RERG: variants seen among roughly 807,000 people sequenced by gnomAD.
The protein encoded by RERG is RAS like estrogen regulated growth inhibitor.
Under a neutral mutation model 23.2 loss-of-function variants are expected in RERG, and 25 were observed. The observed-to-expected ratio is 1.08, with a 90% CI of 0.79 to 1.50. RERG has a LOEUF of 1.50. Ranked by LOEUF, RERG falls within the 40% of genes most tolerant of loss-of-function variation. The pLI, the probability that RERG is intolerant of heterozygous loss-of-function variation, is 0.00. For missense variants in RERG, 253 were observed against 250.1 expected, an observed-to-expected ratio of 1.01 and a Z score of -0.08; for synonymous variants, 81 against 89.1, an observed-to-expected ratio of 0.91 and a Z score of 0.51.
At chr12:15,112,520 T>C (rs1023300695) in intron 3 of RERG, 1 of 152,194 alleles carries the variant, frequency 6.6e-6, no homozygotes, top group African/African-American at 2.4e-5. Flanking sequence ...TGGGTGGCCC[T>C]GAGTATGCCC....
At chr12:15,205,734 A>G (rs1259472531) in intron 2 of RERG, among the ~76,000 whole-genome samples, 2 of 152,070 alleles carry the variant, frequency 1.3e-5, no homozygotes, top group Admixed American at 6.6e-5. Flanking sequence ...ACAAAACAAG[A>G]AAGAACTTTT....
intron 2 of RERG, among the ~76,000 whole-genome samples, chr12:15,121,798 G>A (rs1863836874): frequency 6.6e-6 from 1 of 152,122 alleles, no homozygotes; most frequent in Non-Finnish European, 1.5e-5. Flanking sequence ...ATTTAATTAA[G>A]CTTATCTAGT....
intron 2 of RERG, among the ~76,000 whole-genome samples, chr12:15,144,749 A>G (rs1479259068): frequency 6.6e-6 from 1 of 152,192 alleles, no homozygotes; most frequent in Non-Finnish European, 1.5e-5. Context: ...ATCACATACA[A>G]TTCATGGAGA....
chr12:15,164,299 C>T (rs1055363505), intron 2 of RERG, among the ~76,000 whole-genome samples: 2 of 152,206 alleles, frequency 1.3e-5, no homozygotes, highest in African/African-American at 4.8e-5. Context: ...AAACTTTAGA[C>T]TTCTCCTAAA....
chr12:15,152,917 T>A (rs1277344011), intron 2 of RERG, among the ~76,000 whole-genome samples: 2 of 152,200 alleles, frequency 1.3e-5, no homozygotes, highest in Non-Finnish European at 2.9e-5. Flanking sequence ...CTGTTTCTGA[T>A]GTTATGCTAC....
intron 2 of RERG, among the ~76,000 whole-genome samples, chr12:15,160,028 G>A (rs1864581270): frequency 6.6e-6 from 1 of 152,130 alleles, no homozygotes; most frequent in Non-Finnish European, 1.5e-5. Flanking sequence ...AGGGAAAAAT[G>A]AACACGAATA....
chr12:15,196,850 G>A (rs560461859), intron 2 of RERG, among the ~76,000 whole-genome samples: 1 of 152,196 alleles, frequency 6.6e-6, no homozygotes, highest in Admixed American at 6.6e-5. Flanking sequence ...CTTCTTGACT[G>A]CTGACACTGA....
intron 2 of RERG, among the ~76,000 whole-genome samples, chr12:15,155,644 G>A (rs1280714347): frequency 6.6e-6 from 1 of 152,162 alleles, no homozygotes; most frequent in Non-Finnish European, 1.5e-5. Flanking sequence ...GCTGGGTAGG[G>A]CTTCTTGGTA....
intron 2 of RERG, among the ~76,000 whole-genome samples, chr12:15,214,352 C>T (rs183762039): frequency 8.1e-4 from 124 of 152,258 alleles, no homozygotes; most frequent in Non-Finnish European, 1.3e-3. Flanking sequence ...AAAGCTCACA[C>T]TCTTTAACTC....
intron 2 of RERG, among the ~76,000 whole-genome samples, chr12:15,123,449 T>C (rs1863875030): frequency 6.7e-6 from 1 of 149,386 alleles, no homozygotes; most frequent in Non-Finnish European, 1.5e-5. Flanking sequence ...TGTGTATGAA[T>C]GCTCAAAAAC....
rs1023727527 is a variant in RERG at position 15,108,492 on chromosome 12, T to C, written c.*618A>G. On this transcript the variant is annotated 3_prime_UTR_variant, in exon 5 of 5. Coordinates refer to ENST00000256953, the MANE Select transcript of RERG (RefSeq NM_032918.3). ...CCAAGGAAGGAGAGTTAGGGTGTAATGATCAATAGATCATTGAGAGAACCA... is the reference window on the plus strand; with the variant it reads ...CCAAGGAAGGAGAGTTAGGGTGTAACGATCAATAGATCATTGAGAGAACCA... 2.0e-5 allele frequency: 3 copies of C among 152,640 alleles called. No individual in the cohort carries two copies. The highest frequency in any genetic ancestry group is 7.2e-5 in the African/African-American group (3 of 41,456). The allele number at this position is 152,640 out of a possible 1,614,324, so 9.5% of individuals were successfully genotyped here.
chr12:15,179,266 C>T (rs571239235), intron 2 of RERG, among the ~76,000 whole-genome samples: 1 of 152,240 alleles, frequency 6.6e-6, no homozygotes, highest in South Asian at 2.1e-4. Flanking sequence ...ATGCATTTTT[C>T]TTTCCTTATG....
chr12:15,186,531 AAAG>A (rs1215970544), intron 2 of RERG, among the ~76,000 whole-genome samples: 1 of 152,108 alleles, frequency 6.6e-6, no homozygotes, highest in Non-Finnish European at 1.5e-5. Context: ...ACCAGGAAGA[AAAG>A]AAGAAGAGCA....
chr12:15,137,557 C>T (rs934182687), intron 2 of RERG, among the ~76,000 whole-genome samples: 18 of 150,910 alleles, frequency 1.2e-4, no homozygotes, highest in Non-Finnish European at 2.5e-4. Flanking sequence ...TTTTTTACTT[C>T]GTTTAGTACT....
At chr12:15,200,134 T>C (rs888354806) in intron 2 of RERG, among the ~76,000 whole-genome samples, 1 of 152,078 alleles carries the variant, frequency 6.6e-6, no homozygotes, top group African/African-American at 2.4e-5. Context: ...CTGAAAACTA[T>C]GGCAATGCTA....
intron 2 of RERG, among the ~76,000 whole-genome samples, chr12:15,127,007 C>T (rs1460480391): frequency 1.3e-5 from 2 of 152,056 alleles, no homozygotes; most frequent in East Asian, 3.9e-4. Flanking sequence ...CATGAGCCAC[C>T]GCGCCCGGCC....
chr12:15,150,910 A>G (rs1339678037), intron 2 of RERG, among the ~76,000 whole-genome samples: 1 of 152,226 alleles, frequency 6.6e-6, no homozygotes, highest in East Asian at 1.9e-4. Flanking sequence ...TCTGTGCTAA[A>G]TAAATGGCTG....
intron 2 of RERG, among the ~76,000 whole-genome samples, chr12:15,205,434 C>A (rs1371646293): frequency 2.6e-5 from 4 of 151,928 alleles, no homozygotes; most frequent in Non-Finnish European, 4.4e-5. Context: ...TTTTGGAGAA[C>A]CGCTAAGAAG....
chr12:15,210,775 A>C (rs1262434060), intron 2 of RERG, among the ~76,000 whole-genome samples: 1 of 152,118 alleles, frequency 6.6e-6, no homozygotes, highest in Non-Finnish European at 1.5e-5. Flanking sequence ...ATTACAATGG[A>C]CTCATCTAGG....
Sources: allele counts gnomAD v4.1 joint callset (sites outside exome capture counted in the v4.1 genomes callset), GRCh38; gene constraint gnomAD v4.1.1; transcripts MANE v1.5; gene names NCBI Gene and HGNC (gene_info 2026-07-23, HGNC 2026-07-21).